CSGALNACT1: variants seen among roughly 807,000 people sequenced by gnomAD.
CSGALNACT1 encodes beta4GalNAcT-1.
A neutral mutation model predicts 51.0 loss-of-function variants in CSGALNACT1; 52 were observed. The observed-to-expected ratio is 1.02, with a 90% CI of 0.82 to 1.29. The LOEUF is 1.29. Among genes scored for constraint, CSGALNACT1 ranks in the 50% most tolerant of loss-of-function variants. CSGALNACT1 has a pLI of 0.00. For missense variants in CSGALNACT1, 935 were observed against 679.2 expected (o/e 1.38, Z -4.19); for synonymous variants, 341 against 254.4 (o/e 1.34, Z -3.24).
At chr8:19,756,464 G>T (rs976969481) in intron 1 of CSGALNACT1, among the ~76,000 whole-genome samples, 3 of 152,204 alleles carry the variant, frequency 2.0e-5, no homozygotes, top group Non-Finnish European at 2.9e-5. Context: ...GCTCATCGAT[G>T]AAAAGATAAC....
intron 8 of CSGALNACT1, among the ~76,000 whole-genome samples, chr8:19,412,126 C>T (rs2055899647): frequency 1.3e-5 from 2 of 152,214 alleles, no homozygotes; most frequent in African/African-American, 2.4e-5. Context: ...GGCCACCGCA[C>T]CCAGCCTGCT....
At chr8:19,595,749 A>C (rs1320696253) in intron 2 of CSGALNACT1, among the ~76,000 whole-genome samples, 2 of 152,068 alleles carry the variant, frequency 1.3e-5, no homozygotes, top group East Asian at 3.8e-4. Flanking sequence ...CAGAGGTTAT[A>C]ATTCTTTCCT....
At position 19,601,753 on chromosome 8, in the gene CSGALNACT1, G is replaced by C. The variant is rs2050476391; in HGVS notation, c.-416+18C>G. The stretch of plus-strand genomic sequence containing the variant: ...GACCATGCAAAGGTTTGTTTCTTGA[G>C]TGAAAATGCTCACTTACCTGGGGGT... On this transcript the variant is annotated intron_variant, in intron 2 of 9. Transcript: ENST00000454498. 1 of 449,424 alleles carries C rather than the reference G, an allele frequency of 2.2e-6. No homozygotes were observed. The highest frequency in any genetic ancestry group is 4.4e-6 in the Non-Finnish European group (1 of 225,138). The allele number at this position is 449,424 out of a possible 1,614,324, so 27.8% of individuals were successfully genotyped here.
intron 6 of CSGALNACT1, among the ~76,000 whole-genome samples, chr8:19,425,860 C>A (rs4921639): frequency 0.31 from 47,384 of 152,030 alleles, 8,005 homozygotes; most frequent in African/African-American, 0.43. Flanking sequence ...TCTACTCCTG[C>A]GAACATCACT....
At chr8:19,726,048 T>G (rs1017391459) in intron 1 of CSGALNACT1, among the ~76,000 whole-genome samples, 2 of 152,158 alleles carry the variant, frequency 1.3e-5, no homozygotes, top group Non-Finnish European at 2.9e-5. Flanking sequence ...AAGGCTTAAA[T>G]TTTTTTGCAA....
At chr8:19,404,833 G>A (rs1324813025) in exon 10 of CSGALNACT1, 1 of 454,400 alleles carries the variant, frequency 2.2e-6, no homozygotes, top group African/African-American at 2.0e-5. Context: ...AAAGCAGAAA[G>A]TGTCATTTTC....
chr8:19,629,110 C>T (rs144852486), intron 1 of CSGALNACT1, among the ~76,000 whole-genome samples: 313 of 152,208 alleles, frequency 2.1e-3, no homozygotes, highest in African/African-American at 7.3e-3. Flanking sequence ...TACGGGAAAT[C>T]AAGAGAGTAG....
At chr8:19,600,882 T>C (rs1404706568) in intron 2 of CSGALNACT1, among the ~76,000 whole-genome samples, 1 of 151,180 alleles carries the variant, frequency 6.6e-6, no homozygotes, top group Non-Finnish European at 1.5e-5. Flanking sequence ...ATTTGTTAAA[T>C]GAAGGAGGAA....
At chr8:19,478,346 G>A (rs554718547) in intron 4 of CSGALNACT1, among the ~76,000 whole-genome samples, 238 of 150,936 alleles carry the variant, frequency 1.6e-3, no homozygotes, top group Non-Finnish European at 2.5e-3. Flanking sequence ...CCCAGGAGGC[G>A]GAGCTTGCAG....
At chr8:19,555,531 GAAGCATAATT>G (rs1379119482) in intron 3 of CSGALNACT1, among the ~76,000 whole-genome samples, 1 of 152,066 alleles carries the variant, frequency 6.6e-6, no homozygotes, top group Admixed American at 6.5e-5. Context: ...CCAATACACT[GAAGCATAATT>G]CCGATATATT....
chr8:19,624,882 T>C (rs2154165274), intron 1 of CSGALNACT1, among the ~76,000 whole-genome samples: 1 of 152,320 alleles, frequency 6.6e-6, no homozygotes, highest in South Asian at 2.1e-4. Context: ...TTTCACCATA[T>C]TGGCCAGGAT....
At chr8:19,468,132 G>A (rs1433245529) in intron 4 of CSGALNACT1, among the ~76,000 whole-genome samples, 1 of 152,044 alleles carries the variant, frequency 6.6e-6, no homozygotes, top group Non-Finnish European at 1.5e-5. Flanking sequence ...ACAAAAAGGA[G>A]GGCATCTCCA....
intron 4 of CSGALNACT1, chr8:19,495,214 A>C (rs1160273175): frequency 6.6e-6 from 1 of 152,200 alleles, no homozygotes; most frequent in Non-Finnish European, 1.5e-5. Context: ...AATCAGATTG[A>C]TTCTGACTTA....
intron 6 of CSGALNACT1, among the ~76,000 whole-genome samples, chr8:19,425,685 G>A (rs756423385): frequency 6.6e-6 from 1 of 152,158 alleles, no homozygotes; most frequent in Non-Finnish European, 1.5e-5. Context: ...TGTGGTTTGT[G>A]ATTTTCCTAG....
chr8:19,453,196 C>T (rs969387481), intron 5 of CSGALNACT1, among the ~76,000 whole-genome samples: 2 of 152,088 alleles, frequency 1.3e-5, no homozygotes, highest in African/African-American at 2.4e-5. Flanking sequence ...AAGAAAATTT[C>T]TTAGACATGT....
upstream of CSGALNACT1, chr8:19,682,651 C>T: frequency 2.2e-6 from 1 of 454,060 alleles, no homozygotes; most frequent in Admixed American, 2.3e-5. Flanking sequence ...GCAACAACAG[C>T]CAAAACCACA....
chr8:19,703,567 T>A (rs2061994923), intron 1 of CSGALNACT1, among the ~76,000 whole-genome samples: 1 of 152,212 alleles, frequency 6.6e-6, no homozygotes, highest in Non-Finnish European at 1.5e-5. Context: ...CCTCCCAAAG[T>A]GCTGGGATTA....
intron 1 of CSGALNACT1, among the ~76,000 whole-genome samples, chr8:19,748,680 G>A (rs2064839322): frequency 2.0e-5 from 3 of 152,122 alleles, no homozygotes; most frequent in Non-Finnish European, 2.9e-5. Context: ...AAAGAATTAA[G>A]TAGGCTGAGC....
At chr8:19,747,722 G>A (rs887489285) in intron 1 of CSGALNACT1, among the ~76,000 whole-genome samples, 13 of 151,980 alleles carry the variant, frequency 8.6e-5, no homozygotes, top group African/African-American at 3.1e-4. Context: ...AACTTGCCCA[G>A]GGCTACAGAG....
Sources: allele counts gnomAD v4.1 joint callset (sites outside exome capture counted in the v4.1 genomes callset), GRCh38; gene constraint gnomAD v4.1.1; transcripts MANE v1.5; gene names NCBI Gene and HGNC (gene_info 2026-07-23, HGNC 2026-07-21).